TENM2: variants seen among roughly 807,000 people sequenced by gnomAD.
The protein encoded by TENM2 is teneurin-2.
TENM2 carries 52 observed loss-of-function variants against 245.2 expected under a neutral mutation model. The observed-to-expected ratio is 0.21, with a 90% CI of 0.17 to 0.27. The LOEUF is 0.27. TENM2 is among the 10% of genes least tolerant of loss of function. The pLI, the probability that TENM2 is intolerant of heterozygous loss-of-function variation, is 1.00. For missense variants in TENM2, 3,046 were observed against 3,666.8 expected, an observed-to-expected ratio of 0.83 and a Z score of 4.37; for synonymous variants, 1,363 against 1,438.9, an observed-to-expected ratio of 0.95 and a Z score of 1.19.
intron 2 of TENM2, among the ~76,000 whole-genome samples, chr5:167,806,303 A>T (rs1561801968): frequency 6.6e-6 from 1 of 152,336 alleles, no homozygotes; most frequent in East Asian, 1.9e-4. Context: ...AAGCCCTTTC[A>T]CATATCATGT....
chr5:168,138,433 G>A (rs1755254949), intron 12 of TENM2, among the ~76,000 whole-genome samples: 1 of 152,206 alleles, frequency 6.6e-6, no homozygotes, highest in South Asian at 2.1e-4. Flanking sequence ...TCTTCACAGA[G>A]TGAATGGCTA....
At chr5:167,208,335 T>C in the TENM2 span, among the ~76,000 whole-genome samples, 2 of 152,190 alleles carry the variant, frequency 1.3e-5, no homozygotes, top group African/African-American at 4.8e-5. Context: ...ATTTTAATCA[T>C]TTTAAGCTAA....
At chr5:167,078,577 A>G in the TENM2 span, among the ~76,000 whole-genome samples, 1 of 152,210 alleles carries the variant, frequency 6.6e-6, no homozygotes, top group African/African-American at 2.4e-5. Flanking sequence ...TAGAGAAAGT[A>G]AATAAATACC....
At chr5:167,492,026 TA>T (rs1171932425) in intron 2 of TENM2, among the ~76,000 whole-genome samples, 3 of 152,168 alleles carry the variant, frequency 2.0e-5, no homozygotes, top group Non-Finnish European at 4.4e-5. Flanking sequence ...ACTATTGCAT[TA>T]TTAGTATTTT....
At chr5:167,280,471 G>C (rs1770979004), upstream of TENM2, among the ~76,000 whole-genome samples, 1 of 152,174 alleles carries the variant, frequency 6.6e-6, no homozygotes, top group Non-Finnish European at 1.5e-5. Context: ...CTCCTGTACT[G>C]TGGTTGAGGT....
At chr5:167,188,374 G>A in the TENM2 span, among the ~76,000 whole-genome samples, 1 of 152,138 alleles carries the variant, frequency 6.6e-6, no homozygotes, top group African/African-American at 2.4e-5. Flanking sequence ...TGATGAGATA[G>A]CACTTCTTTT....
chr5:167,963,332 T>C (rs910847503), intron 4 of TENM2, among the ~76,000 whole-genome samples: 1 of 152,188 alleles, frequency 6.6e-6, no homozygotes, highest in African/African-American at 2.4e-5. Context: ...GCTAAAATAT[T>C]GTGAGTTTAT....
intron 1 of TENM2, among the ~76,000 whole-genome samples, chr5:167,340,549 C>G (rs528715339): frequency 1.3e-5 from 2 of 152,166 alleles, no homozygotes; most frequent in African/African-American, 4.8e-5. Flanking sequence ...GGGCACCCTT[C>G]TATTGGATCA....
At chr5:167,740,770 G>C (rs1365651208) in intron 2 of TENM2, among the ~76,000 whole-genome samples, 2 of 152,138 alleles carry the variant, frequency 1.3e-5, no homozygotes, top group Non-Finnish European at 2.9e-5. Flanking sequence ...TGATGATCAG[G>C]ACAATCCTTC....
At chr5:168,096,050 T>C (rs1025407597) in intron 8 of TENM2, among the ~76,000 whole-genome samples, 3 of 152,214 alleles carry the variant, frequency 2.0e-5, no homozygotes, top group Non-Finnish European at 4.4e-5. Context: ...AGCTTGCTTA[T>C]TCTTTGTTCC....
intron 15 of TENM2, among the ~76,000 whole-genome samples, chr5:168,196,113 A>G (rs1245244893): frequency 6.6e-6 from 1 of 152,208 alleles, no homozygotes; most frequent in African/African-American, 2.4e-5. Context: ...TTTCTGTAAA[A>G]TGCACTCTGG....
chr5:167,592,904 A>G (rs184583824), intron 2 of TENM2, among the ~76,000 whole-genome samples: 1 of 152,256 alleles, frequency 6.6e-6, no homozygotes, highest in Admixed American at 6.5e-5. Flanking sequence ...TTTTCTAGGC[A>G]TATCATATAA....
intron 2 of TENM2, among the ~76,000 whole-genome samples, chr5:167,561,470 A>G (rs1433576244): frequency 1.3e-5 from 2 of 152,244 alleles, no homozygotes; most frequent in Non-Finnish European, 2.9e-5. Flanking sequence ...TTTGCTGCCC[A>G]TGACGGAGGT....
intron 1 of TENM2, among the ~76,000 whole-genome samples, chr5:167,354,087 T>C (rs1397638827): frequency 6.6e-6 from 1 of 152,224 alleles, no homozygotes; most frequent in African/African-American, 2.4e-5. Flanking sequence ...TTAAGCAAAC[T>C]ACCTGTGTGT....
chr5:167,571,739 T>G (rs1192823427), intron 2 of TENM2, among the ~76,000 whole-genome samples: 1 of 152,214 alleles, frequency 6.6e-6, no homozygotes, highest in Non-Finnish European at 1.5e-5. Flanking sequence ...CCTTCCCCTG[T>G]TTTTATTGTG....
intron 5 of TENM2, among the ~76,000 whole-genome samples, chr5:168,030,450 G>A (rs1787041995): frequency 6.6e-6 from 1 of 152,048 alleles, no homozygotes; most frequent in East Asian, 1.9e-4. Flanking sequence ...TCACCTGGAA[G>A]GCTCATTAAC....
chr5:168,019,591 G>A (rs544091961), intron 5 of TENM2, among the ~76,000 whole-genome samples: 3 of 152,344 alleles, frequency 2.0e-5, no homozygotes, highest in African/African-American at 7.2e-5. Flanking sequence ...ACTGGACAGA[G>A]TAACCTGGAG....
chr5:167,049,179 A>T, the TENM2 span, among the ~76,000 whole-genome samples: 2 of 152,210 alleles, frequency 1.3e-5, no homozygotes, highest in African/African-American at 4.8e-5. Context: ...TGTAGAGTAA[A>T]TAGTGCTTAC....
chr5:167,934,875 T>C, intron 3 of TENM2: 1 of 985,522 alleles, frequency 1.0e-6, no homozygotes, highest in Non-Finnish European at 1.2e-6. Context: ...TTAGTACGCG[T>C]TCGGCAGGAC....
Sources: gnomAD v4.1 joint callset for allele counts (sites outside exome capture counted in the v4.1 genomes callset) on GRCh38, gnomAD v4.1.1 for gene constraint, MANE v1.5 for transcripts, NCBI Gene and HGNC (gene_info 2026-07-23, HGNC 2026-07-21) for gene names.